The following PDE1A variants were observed in gnomAD, a reference collection of about 807,000 sequenced individuals.
PDE1A encodes dual specificity calcium/calmodulin-dependent 3',5'-cyclic nucleotide phosphodiesterase 1A.
PDE1A carries 35 observed loss-of-function variants against 61.7 expected under a neutral mutation model. The ratio of observed to expected loss-of-function variants is 0.57; its 90% CI spans 0.43 to 0.75. The LOEUF is 0.75. Ranked by LOEUF, PDE1A falls within the 30% of genes least tolerant of loss-of-function variation. The pLI is 0.00. For synonymous variants in PDE1A, 232 were observed against 213.2 expected (o/e 1.09, Z -0.77); for missense variants, 597 against 630.6 (o/e 0.95, Z 0.57).
the PDE1A span, among the ~76,000 whole-genome samples, chr2:182,652,398 C>G: frequency 9.9e-5 from 15 of 152,178 alleles, no homozygotes; most frequent in African/African-American, 3.6e-4. Flanking sequence ...CTCCTACGAT[C>G]TGGATCCCTA....
At chr2:182,707,700 C>A in the PDE1A span, among the ~76,000 whole-genome samples, 2 of 152,150 alleles carry the variant, frequency 1.3e-5, no homozygotes, top group Non-Finnish European at 2.9e-5. Context: ...TGGATTCTAT[C>A]AAATACTTAA....
At chr2:182,647,057 G>A in the PDE1A span, among the ~76,000 whole-genome samples, 1 of 152,172 alleles carries the variant, frequency 6.6e-6, no homozygotes, top group African/African-American at 2.4e-5. Context: ...AGAATTTGTT[G>A]GGAGTTTGTT....
the PDE1A span, among the ~76,000 whole-genome samples, chr2:182,649,755 G>A: frequency 2.8e-4 from 42 of 152,066 alleles, no homozygotes; most frequent in Admixed American, 8.5e-4. Context: ...GATTACAGGC[G>A]CCTGCCACCA....
chr2:182,630,294 G>A, the PDE1A span, among the ~76,000 whole-genome samples: 1 of 152,028 alleles, frequency 6.6e-6, no homozygotes, highest in Admixed American at 6.6e-5. Context: ...GTGTAAGTCA[G>A]TGATACAATT....
At chr2:182,556,770 A>G in the PDE1A span, among the ~76,000 whole-genome samples, 2 of 152,220 alleles carry the variant, frequency 1.3e-5, no homozygotes, top group Non-Finnish European at 2.9e-5. Context: ...TTTTCATGCC[A>G]TCTTCATCTC....
At position 182,385,640 on chromosome 2, in the gene PDE1A, G is replaced by GAAGAAGAAAGAAAGA. The variant is rs1700994282; in HGVS notation, c.53+40937_53+40938insTCTTTCTTTCTTCTT. ...GAAACAGAAAGAAAGAAAGAAAGAA[G>GAAGAAGAAAGAAAGA]AAGAAAGAAAGAAAGAAAGAAGAAA... On this transcript the variant is annotated intron_variant, in intron 1 of 13. Transcript: ENST00000351439. Among the ~76,000 whole-genome samples the GAAGAAGAAAGAAAGA allele has an allele frequency of 1.1e-4, 8 of 70,486 alleles. 1 individual carries two copies. Among genetic ancestry groups the GAAGAAGAAAGAAAGA allele is most frequent in the African/African-American group, 2.2e-4 (5 of 23,150 alleles). 46.2% of individuals were successfully genotyped at this position (70,486 alleles called of 152,430 possible).
At chr2:182,653,235 A>G in the PDE1A span, among the ~76,000 whole-genome samples, 1 of 152,210 alleles carries the variant, frequency 6.6e-6, no homozygotes, top group Non-Finnish European at 1.5e-5. Context: ...CATGAATTCC[A>G]TCCTGAGGTG....
intron 2 of PDE1A, among the ~76,000 whole-genome samples, chr2:182,438,284 C>T (rs555664115): frequency 2.0e-5 from 3 of 152,002 alleles, no homozygotes; most frequent in African/African-American, 7.2e-5. Context: ...AGCCAATACA[C>T]AATCAAAAAA....
intron 2 of PDE1A, among the ~76,000 whole-genome samples, chr2:182,521,685 G>GGACT (rs1336680879): frequency 2.0e-5 from 3 of 151,966 alleles, no homozygotes; most frequent in African/African-American, 7.2e-5. Flanking sequence ...TATGTACTAT[G>GGACT]GACTATTCTG....
At chr2:182,660,922 A>G in the PDE1A span, among the ~76,000 whole-genome samples, 1 of 152,208 alleles carries the variant, frequency 6.6e-6, no homozygotes, top group African/African-American at 2.4e-5. Context: ...GCAGTGTTAT[A>G]AGCTTCTCAC....
chr2:182,276,053 A>G (rs1027758998), intron 1 of PDE1A, among the ~76,000 whole-genome samples: 5 of 152,052 alleles, frequency 3.3e-5, no homozygotes, highest in African/African-American at 1.2e-4. Context: ...AGAGATATAA[A>G]ATTAATGACC....
At chr2:182,158,814 T>C (rs1307334082) in intron 13 of PDE1A, among the ~76,000 whole-genome samples, 1 of 152,216 alleles carries the variant, frequency 6.6e-6, no homozygotes, top group Non-Finnish European at 1.5e-5. Context: ...GAATCCTACC[T>C]TAAGAGATCT....
chr2:182,432,104 G>A (rs1057048836), intron 2 of PDE1A, among the ~76,000 whole-genome samples: 4 of 152,140 alleles, frequency 2.6e-5, no homozygotes, highest in Admixed American at 6.6e-5. Flanking sequence ...CAGCTTTAGC[G>A]GCAAGTTTCC....
At chr2:182,551,642 A>ACT in the PDE1A span, among the ~76,000 whole-genome samples, 2 of 152,214 alleles carry the variant, frequency 1.3e-5, no homozygotes, top group Non-Finnish European at 2.9e-5. Flanking sequence ...GCATTCTTAT[A>ACT]GAAAGAATGT....
chr2:182,656,329 AC>A, the PDE1A span, among the ~76,000 whole-genome samples: 1 of 152,212 alleles, frequency 6.6e-6, no homozygotes, highest in East Asian at 1.9e-4. Context: ...TACAATCAAA[AC>A]CTCTAAAAAT....
the PDE1A span, among the ~76,000 whole-genome samples, chr2:182,638,195 C>T: frequency 1.3e-5 from 2 of 152,106 alleles, no homozygotes; most frequent in Non-Finnish European, 2.9e-5. Flanking sequence ...ATTGCTCATG[C>T]ATTTATTCTA....
At chr2:182,176,786 A>G (rs1225846015) in intron 13 of PDE1A, among the ~76,000 whole-genome samples, 25 of 150,262 alleles carry the variant, frequency 1.7e-4, no homozygotes, top group African/African-American at 5.7e-4. Flanking sequence ...GAATGCTTCC[A>G]GTTTTTGCCC....
At chr2:182,713,351 A>G in the PDE1A span, among the ~76,000 whole-genome samples, 1 of 152,180 alleles carries the variant, frequency 6.6e-6, no homozygotes, top group African/African-American at 2.4e-5. Flanking sequence ...CCCAGAGAAC[A>G]GTAGACTACT....
chr2:182,271,971 G>A lies in PDE1A; in HGVS notation c.54-7557C>T, dbSNP rs139898351. On this transcript the variant is annotated intron_variant, in intron 1 of 13. Coordinates refer to ENST00000351439, the Ensembl canonical transcript of PDE1A. ...TAAATGGAATAAATGGTGATGAAAG[G>A]GCTTTTGGAAATTAACACTAATAAT... Among the ~76,000 whole-genome samples, 112 of 152,132 alleles carry A rather than the reference G, an allele frequency of 7.4e-4. 2 individuals carry two copies. In the East Asian group the frequency reaches 0.018, roughly 25 times the overall value.
Sources: gnomAD v4.1 joint callset for allele counts (sites outside exome capture counted in the v4.1 genomes callset) on GRCh38, gnomAD v4.1.1 for gene constraint, MANE v1.5 for transcripts, NCBI Gene and HGNC (gene_info 2026-07-23, HGNC 2026-07-21) for gene names.